The following ZC3H12B variants were observed in gnomAD, a reference collection of about 807,000 sequenced individuals.
The protein encoded by ZC3H12B is probable ribonuclease ZC3H12B.
ZC3H12B carries 7 observed loss-of-function variants against 43.9 expected under a neutral mutation model. The ratio of observed to expected loss-of-function variants is 0.16; its 90% CI spans 0.09 to 0.30. The LOEUF (loss-of-function observed/expected upper bound fraction) is 0.30. Among genes scored for constraint, ZC3H12B ranks in the 10% least tolerant of loss-of-function variants. The pLI is 1.00. For missense variants in ZC3H12B, 475 were observed against 670.2 expected, an observed-to-expected ratio of 0.71 and a Z score of 3.22; for synonymous variants, 222 against 241.7, an observed-to-expected ratio of 0.92 and a Z score of 0.76.
the ZC3H12B span, among the ~76,000 whole-genome samples, chrX:65,189,665 T>G: frequency 2.9e-5 from 3 of 104,395 alleles, no homozygotes; most frequent in Non-Finnish European, 5.9e-5. Flanking sequence ...TCTTGTAAAT[T>G]TGTTTGAGTT....
chrX:65,153,252 G>A, the ZC3H12B span, among the ~76,000 whole-genome samples: 3 of 111,953 alleles, frequency 2.7e-5, no homozygotes, highest in Admixed American at 2.8e-4. Context: ...TTAAACTAAA[G>A]AGCTTCTGCA....
chrX:65,151,185 T>G, the ZC3H12B span, among the ~76,000 whole-genome samples: 1,443 of 111,976 alleles, frequency 0.013, 11 homozygotes, highest in Middle Eastern at 0.037. Flanking sequence ...TCTTTTTCAG[T>G]AGAATATTTC....
the ZC3H12B span, among the ~76,000 whole-genome samples, chrX:65,318,259 C>T: frequency 9.2e-6 from 1 of 108,444 alleles, no homozygotes; most frequent in South Asian, 4.0e-4. Flanking sequence ...TTTTGATTTG[C>T]ATTTCCCTGG....
chrX:65,170,360 C>G, the ZC3H12B span, among the ~76,000 whole-genome samples: 1 of 111,829 alleles, frequency 8.9e-6, no homozygotes, highest in Non-Finnish European at 1.9e-5. Flanking sequence ...TGAATATTTG[C>G]CCCCACTGTC....
the ZC3H12B span, chrX:65,356,951 C>G: frequency 2.2e-6 from 1 of 451,026 alleles, no homozygotes; most frequent in South Asian, 2.6e-5. Context: ...GGCTGTAAAA[C>G]AGAGTTGATA....
intron 3 of ZC3H12B, among the ~76,000 whole-genome samples, chrX:65,434,965 C>T (rs550252084): frequency 2.7e-5 from 3 of 111,723 alleles, no homozygotes; most frequent in Non-Finnish European, 3.8e-5. Context: ...AATGTAGAAG[C>T]TGTGCCCCAG....
the ZC3H12B span, among the ~76,000 whole-genome samples, chrX:65,188,169 T>C: frequency 9.0e-6 from 1 of 111,668 alleles, no homozygotes; most frequent in Non-Finnish European, 1.9e-5. Context: ...TATTATTCCA[T>C]TGTGTATATG....
chrX:65,496,498 C>T (rs1465961134), intron 1 of ZC3H12B, among the ~76,000 whole-genome samples: 2 of 111,433 alleles, frequency 1.8e-5, no homozygotes, highest in African/African-American at 6.6e-5. Flanking sequence ...GAAAATGGAA[C>T]TAGTGATAGG....
At chrX:65,211,609 A>G in the ZC3H12B span, among the ~76,000 whole-genome samples, 9 of 99,109 alleles carry the variant, frequency 9.1e-5, no homozygotes, top group Non-Finnish European at 1.6e-4. Flanking sequence ...GATGCCAAAC[A>G]CAGATTGGCC....
upstream of ZC3H12B, among the ~76,000 whole-genome samples, chrX:65,364,302 G>A (rs1348400937): frequency 2.8e-5 from 3 of 108,560 alleles, no homozygotes; most frequent in South Asian, 4.1e-4. Context: ...TCCATATCCT[G>A]TACCACCCTG....
At chrX:65,247,068 C>T in the ZC3H12B span, among the ~76,000 whole-genome samples, 3 of 110,629 alleles carry the variant, frequency 2.7e-5, no homozygotes, top group Admixed American at 2.8e-4. Context: ...AACAAACAAC[C>T]CCGTTATAAA....
the ZC3H12B span, among the ~76,000 whole-genome samples, chrX:65,281,354 T>C: frequency 9.2e-6 from 1 of 109,094 alleles, no homozygotes; most frequent in Non-Finnish European, 1.9e-5. Flanking sequence ...CATGCCTCAG[T>C]CTCCTGAGCA....
chrX:65,049,763 A>G, the ZC3H12B span, among the ~76,000 whole-genome samples: 1 of 111,706 alleles, frequency 9.0e-6, no homozygotes, highest in Non-Finnish European at 1.9e-5. Context: ...TTTGGATAAC[A>G]TGGACATTTT....
intron 1 of ZC3H12B, among the ~76,000 whole-genome samples, chrX:65,367,878 T>G (rs185691976): frequency 9.0e-6 from 1 of 110,983 alleles, no homozygotes; most frequent in African/African-American, 3.3e-5. Flanking sequence ...ATTTATGGCC[T>G]GATTTGGAGT....
chrX:65,175,089 G>T, the ZC3H12B span, among the ~76,000 whole-genome samples: 1 of 111,053 alleles, frequency 9.0e-6, no homozygotes, highest in Non-Finnish European at 1.9e-5. Context: ...CAGTATCTGG[G>T]CCAGATAGCA....
the ZC3H12B span, among the ~76,000 whole-genome samples, chrX:65,230,132 A>G: frequency 1.8e-5 from 2 of 110,930 alleles, no homozygotes; most frequent in Admixed American, 9.6e-5. Flanking sequence ...CTTGGAACCA[A>G]CCCAAATGTC....
At chrX:65,444,243 C>A (rs1000452526) in intron 3 of ZC3H12B, among the ~76,000 whole-genome samples, 2 of 112,320 alleles carry the variant, frequency 1.8e-5, no homozygotes, top group African/African-American at 6.5e-5. Context: ...AAACTCATAA[C>A]AACTTCACAC....
chrX:65,106,979 G>A, the ZC3H12B span, among the ~76,000 whole-genome samples: 1 of 111,437 alleles, frequency 9.0e-6, no homozygotes, highest in African/African-American at 3.3e-5. Flanking sequence ...AGCCTGTGAA[G>A]TACCTATGAA....
the ZC3H12B span, among the ~76,000 whole-genome samples, chrX:65,117,399 A>G: frequency 9.0e-6 from 1 of 111,151 alleles, no homozygotes; most frequent in Non-Finnish European, 1.9e-5. Flanking sequence ...CCACTTTTTG[A>G]TGGGGTTGTT....
Sources: allele counts gnomAD v4.1 joint callset (sites outside exome capture counted in the v4.1 genomes callset), GRCh38; gene constraint gnomAD v4.1.1; transcripts MANE v1.5; gene names NCBI Gene and HGNC (gene_info 2026-07-23, HGNC 2026-07-21).